The following PCDHGA6 variants were observed in gnomAD, a reference collection of about 807,000 sequenced individuals.
PCDHGA6 encodes the protein protocadherin gamma-A6.
Under a neutral mutation model 60.6 loss-of-function variants are expected in PCDHGA6, and 41 were observed. The observed-to-expected ratio is 0.68, with a 90% CI of 0.53 to 0.88. PCDHGA6 has a LOEUF of 0.88. Among genes scored for constraint, PCDHGA6 ranks in the 40% least tolerant of loss-of-function variants. The pLI is 0.00. For synonymous variants in PCDHGA6, 594 were observed against 524.4 expected (o/e 1.13, Z -1.81); for missense variants, 1,312 against 1,203.0 (o/e 1.09, Z -1.34).
At position 141,489,969 on chromosome 5, in the gene PCDHGA6, A is replaced by C. The variant is rs746202385; in HGVS notation, c.2425-4838A>C. On this transcript the variant is annotated intron_variant, in intron 1 of 3. Coordinates refer to ENST00000517434, the MANE Select transcript of PCDHGA6 (RefSeq NM_018919.3). This position sits in a 1 kb window ranked among gnomAD's most constrained non-coding sequence, Gnocchi z 4.5. The stretch of plus-strand genomic sequence containing the variant: ...TCAATGATAATGCTCCAACCTTCCA[A>C]TCCTCAGTTCTACGTGTGGGAATCC... 4 of 1,614,008 alleles carry C rather than the reference A, an allele frequency of 2.5e-6. No individual in the cohort carries two copies.
chr5:141,460,511 AT>A (rs937107682), intron 1 of PCDHGA6, among the ~76,000 whole-genome samples: 2 of 152,168 alleles, frequency 1.3e-5, no homozygotes, highest in African/African-American at 4.8e-5. Flanking sequence ...TGAGAAGGCT[AT>A]CTTTTCCCCA....
At chr5:141,428,122 G>T in intron 1 of PCDHGA6, 1 of 1,606,172 alleles carries the variant, frequency 6.2e-7, no homozygotes, top group Non-Finnish European at 8.5e-7. Flanking sequence ...ATCGAGCCCG[G>T]GCTTTTCAGC....
intron 2 of PCDHGA6, 22 bp from the exon 3 acceptor site, chr5:141,505,371 C>G: frequency 1.2e-6 from 2 of 1,613,980 alleles, no homozygotes; most frequent in Non-Finnish European, 1.7e-6. Context: ...AGTCTGTGCT[C>G]ACCATCCTAC....
rs375404779 is a variant in PCDHGA6 at position 141,419,760 on chromosome 5, A to T, written c.2424+43253A>T. 11 of 1,613,876 alleles carry T rather than the reference A, an allele frequency of 6.8e-6. No homozygotes were observed. The highest frequency in any genetic ancestry group is 9.3e-6 in the Non-Finnish European group (11 of 1,179,904). On this transcript the variant is annotated intron_variant, in intron 1 of 3. Coordinates refer to ENST00000517434, the MANE Select transcript of PCDHGA6 (RefSeq NM_018919.3). ...GTGCGCATGGTGCGTGCTTTGGGTG[A>T]CAAGGACTCGGTCCGCCAGCGCCTG...
intron 1 of PCDHGA6, chr5:141,419,377 C>A (rs2096371335): frequency 6.2e-7 from 1 of 1,613,572 alleles, no homozygotes; most frequent in African/African-American, 1.3e-5. Flanking sequence ...CCTACGTGTC[C>A]GTGAGCGCGC....
intron 1 of PCDHGA6, among the ~76,000 whole-genome samples, chr5:141,456,857 G>A (rs957526443): frequency 6.6e-5 from 10 of 152,234 alleles, no homozygotes; most frequent in African/African-American, 2.4e-4. Context: ...CAGCTAATTG[G>A]GAGGCTGAGG....
chr5:141,419,894 C>T (rs1590201850), intron 1 of PCDHGA6: 2 of 1,613,926 alleles, frequency 1.2e-6, no homozygotes, highest in East Asian at 2.2e-5. Flanking sequence ...CAGCGACCAT[C>T]CCACACCCTC....
chr5:141,429,487 C>G (rs2097218311), intron 1 of PCDHGA6, among the ~76,000 whole-genome samples: 1 of 151,822 alleles, frequency 6.6e-6, no homozygotes, highest in Non-Finnish European at 1.5e-5. Flanking sequence ...GTAGCTGAGA[C>G]TACAGTTGCC....
chr5:141,457,172 T>C (rs1425263344), intron 1 of PCDHGA6, among the ~76,000 whole-genome samples: 1 of 152,212 alleles, frequency 6.6e-6, no homozygotes, highest in East Asian at 1.9e-4. Context: ...ATAACCCTAT[T>C]GCAAATAGTA....
chr5:141,397,047 G>A (rs180929307), intron 1 of PCDHGA6, among the ~76,000 whole-genome samples: 130 of 152,158 alleles, frequency 8.5e-4, no homozygotes, highest in African/African-American at 2.9e-3. Context: ...TTATGTAAAT[G>A]AACTTATGAG....
chr5:141,409,490 C>G (rs780688280), intron 1 of PCDHGA6: 12 of 1,613,892 alleles, frequency 7.4e-6, no homozygotes, highest in Non-Finnish European at 1.0e-5. Context: ...CAGGGGCAAG[C>G]CGCCTCTTTC....
chr5:141,490,960 T>C lies in PCDHGA6; in HGVS notation c.2425-3847T>C. 1.9e-6 allele frequency: 3 copies of C among 1,613,794 alleles called. No homozygotes were observed. The highest frequency in any genetic ancestry group is 2.2e-5 in the South Asian group (2 of 91,030). On this transcript the variant is annotated intron_variant, in intron 1 of 3. Transcript: ENST00000517434. The surrounding 1 kb of genome is among the most constrained non-coding windows in gnomAD (Gnocchi z 5.4). ...GCACCCACGGCCAGACTGGGAACACTCAGCCCCCCAGCGTCTCCCTCGCTC... is the reference window on the plus strand; with the variant it reads ...GCACCCACGGCCAGACTGGGAACACCCAGCCCCCCAGCGTCTCCCTCGCTC...
chr5:141,389,491 G>C, intron 1 of PCDHGA6: 1 of 1,612,994 alleles, frequency 6.2e-7, no homozygotes, highest in Non-Finnish European at 8.5e-7. Context: ...CGCGACCAGG[G>C]CTCGCCAGCG....
Position 141,477,678 on chromosome 5 carries a change from C to T in PCDHGA6, c.2425-17129C>T, listed in dbSNP as rs967769574. ...AATCGTGACAATGGCATAGTGTCAT[C>T]CTTAGTGCCCCTAGACTATGAGGAT... On this transcript the variant is annotated intron_variant, in intron 1 of 3. Coordinates refer to ENST00000517434, the MANE Select transcript of PCDHGA6 (RefSeq NM_018919.3). This position sits in a 1 kb window ranked among gnomAD's most constrained non-coding sequence, Gnocchi z 4.9. 9.9e-6 allele frequency: 16 copies of T among 1,614,182 alleles called. No homozygotes were observed. The highest frequency in any genetic ancestry group is 1.1e-5 in the Non-Finnish European group (13 of 1,180,046).
rs552812176 is a variant in PCDHGA6, at chr5:141,497,407, A to G, written c.2483+2542A>G. Among the ~76,000 whole-genome samples, 43 of 152,204 alleles carry G rather than the reference A, an allele frequency of 2.8e-4. No individual in the cohort carries two copies. In the Middle Eastern group the frequency reaches 0.01, roughly 36 times the overall value. The stretch of plus-strand genomic sequence containing the variant: ...GCACCTTACCCCTGCCTCAACTCCC[A>G]TTCCATCAAATGAGAGGCTTAGTGG... On this transcript the variant is annotated intron_variant, in intron 2 of 3. Coordinates refer to ENST00000517434, the MANE Select transcript of PCDHGA6 (RefSeq NM_018919.3).
intron 2 of PCDHGA6, among the ~76,000 whole-genome samples, chr5:141,504,118 G>A (rs948008198): frequency 6.6e-6 from 1 of 152,096 alleles, no homozygotes; most frequent in African/African-American, 2.4e-5. Flanking sequence ...GTGTGCCAGG[G>A]CTGTTTCCCG....
At chr5:141,381,826 C>CTTTTTTTTTTTTTTTTTTTT (rs770630741) in intron 1 of PCDHGA6, among the ~76,000 whole-genome samples, 4 of 74,282 alleles carry the variant, frequency 5.4e-5, no homozygotes, top group Admixed American at 1.9e-4. Context: ...CTTTCTTCTT[C>CTTTTTTTTTTTTTTTTTTTT]TTTTTTTTTT....
intron 1 of PCDHGA6, chr5:141,404,823 G>A (rs1283913930): frequency 6.2e-7 from 1 of 1,610,946 alleles, no homozygotes. Flanking sequence ...CTGCACACAG[G>A]TGAAGTGCGC....
chr5:141,421,429 G>A, intron 1 of PCDHGA6: 1 of 1,614,090 alleles, frequency 6.2e-7, no homozygotes, highest in Non-Finnish European at 8.5e-7. Context: ...AGTCCGCATC[G>A]TCTCCAGAGG....
Sources: allele counts gnomAD v4.1 joint callset (sites outside exome capture counted in the v4.1 genomes callset), GRCh38; gene constraint gnomAD v4.1.1; non-coding constraint Gnocchi (gnomAD v3.1); transcripts MANE v1.5; gene names NCBI Gene and HGNC (gene_info 2026-07-23, HGNC 2026-07-21).